The following PIK3CB variants were observed in gnomAD, a reference collection of about 807,000 sequenced individuals.
PIK3CB encodes phosphatidylinositol-4,5-bisphosphate 3-kinase catalytic subunit beta.
In PIK3CB, 39 loss-of-function variants were observed where a neutral mutation model predicts 136.8. The observed-to-expected ratio is 0.29, with a 90% CI of 0.22 to 0.37. PIK3CB has a LOEUF of 0.37. Among genes scored for constraint, PIK3CB ranks in the 10% least tolerant of loss-of-function variants. PIK3CB has a pLI of 1.00. For synonymous variants in PIK3CB, 428 were observed against 436.6 expected (o/e 0.98, Z 0.25); for missense variants, 868 against 1,275.4 (o/e 0.68, Z 4.87).
At chr3:138,753,699 G>A (rs1347497455) in intron 4 of PIK3CB, among the ~76,000 whole-genome samples, 2 of 151,354 alleles carry the variant, frequency 1.3e-5, no homozygotes, top group East Asian at 2.0e-4. Flanking sequence ...TCAACTACTC[G>A]GGAGGCTGAG....
intron 1 of PIK3CB, among the ~76,000 whole-genome samples, chr3:138,828,964 T>G (rs1334992750): frequency 6.6e-6 from 1 of 150,658 alleles, no homozygotes. Context: ...ATTTTTTTTT[T>G]TTTTTTTTTG....
intron 13 of PIK3CB, among the ~76,000 whole-genome samples, chr3:138,698,036 A>G (rs1035622385): frequency 6.6e-6 from 1 of 152,312 alleles, no homozygotes; most frequent in Middle Eastern, 3.4e-3. Flanking sequence ...CCTGGCTCCA[A>G]AGATCTTTAG....
intron 10 of PIK3CB, among the ~76,000 whole-genome samples, chr3:138,710,346 T>C (rs1188706459): frequency 6.6e-6 from 1 of 152,192 alleles, no homozygotes; most frequent in African/African-American, 2.4e-5. Context: ...TTTATAGATA[T>C]GTCAGTAAAT....
At chr3:138,827,705 C>G (rs192867585) in intron 1 of PIK3CB, among the ~76,000 whole-genome samples, 2,013 of 151,176 alleles carry the variant, frequency 0.013, 18 homozygotes, top group Non-Finnish European at 0.021. Context: ...AAAGGCCGGG[C>G]CCGGGGGCTC....
chr3:138,789,599 A>T (rs1044035930), intron 2 of PIK3CB, among the ~76,000 whole-genome samples: 2 of 152,358 alleles, frequency 1.3e-5, no homozygotes, highest in South Asian at 4.1e-4. Flanking sequence ...TGGTCACAAC[A>T]GCCAGAAGGT....
At chr3:138,833,703 A>G (rs913272591) in intron 1 of PIK3CB, among the ~76,000 whole-genome samples, 4 of 152,188 alleles carry the variant, frequency 2.6e-5, no homozygotes, top group African/African-American at 7.2e-5. Flanking sequence ...AGCAATGCAG[A>G]AAAAAGAGTC....
intron 4 of PIK3CB, among the ~76,000 whole-genome samples, chr3:138,747,058 A>T (rs1212409236): frequency 4.7e-4 from 1 of 2,132 alleles, no homozygotes. Context: ...CAGCCTTTAT[A>T]TATATATATA....
At chr3:138,710,057 C>T (rs557525258) in intron 10 of PIK3CB, among the ~76,000 whole-genome samples, 138 of 147,704 alleles carry the variant, frequency 9.3e-4, no homozygotes, top group Non-Finnish European at 1.3e-3. Flanking sequence ...GGTGTGGTGG[C>T]GTATGCCTAT....
At chr3:138,719,661 T>C (rs971134731) in intron 8 of PIK3CB, among the ~76,000 whole-genome samples, 1 of 152,176 alleles carries the variant, frequency 6.6e-6, no homozygotes, top group Admixed American at 6.5e-5. Flanking sequence ...TAGTTGCCTG[T>C]AAGAACCATA....
intron 21 of PIK3CB, among the ~76,000 whole-genome samples, chr3:138,660,743 A>C (rs1318229378): frequency 6.6e-6 from 1 of 152,264 alleles, no homozygotes; most frequent in Non-Finnish European, 1.5e-5. Flanking sequence ...GGTAACACAC[A>C]GGTCAGCTCA....
chr3:138,826,627 T>A (rs1933796923), intron 1 of PIK3CB, among the ~76,000 whole-genome samples: 1 of 148,336 alleles, frequency 6.7e-6, no homozygotes. Flanking sequence ...CAAAACAAAG[T>A]TTAATGAGAA....
intron 15 of PIK3CB, 39 bp downstream of exon 15, chr3:138,690,961 A>C (rs1469063793): frequency 2.0e-6 from 3 of 1,530,722 alleles, no homozygotes; most frequent in Non-Finnish European, 2.7e-6. Flanking sequence ...TAGTTACTAA[A>C]GCACCTGGTG....
At chr3:138,716,544 T>C (rs2044609425) in intron 8 of PIK3CB, among the ~76,000 whole-genome samples, 1 of 152,132 alleles carries the variant, frequency 6.6e-6, no homozygotes, top group South Asian at 2.1e-4. Flanking sequence ...GATGTAACCT[T>C]AAATGAAAAA....
At chr3:138,794,024 G>A (rs1215668190) in intron 2 of PIK3CB, among the ~76,000 whole-genome samples, 2 of 152,126 alleles carry the variant, frequency 1.3e-5, no homozygotes, top group African/African-American at 4.8e-5. Context: ...ATGCAATGCC[G>A]CGATCTCAGC....
chr3:138,759,117 T>A (rs1009336377), intron 3 of PIK3CB, 56 bp downstream of exon 3: 4 of 1,054,382 alleles, frequency 3.8e-6, no homozygotes, highest in Non-Finnish European at 5.5e-6. Context: ...TAGAATGATA[T>A]TTCCCCCAAG....
intron 1 of PIK3CB, among the ~76,000 whole-genome samples, chr3:138,800,787 G>A (rs2046165547): frequency 6.6e-6 from 1 of 151,926 alleles, no homozygotes; most frequent in Admixed American, 6.6e-5. Flanking sequence ...ACCACGCCCA[G>A]CTAATTTTTA....
At chr3:138,756,027 G>C (rs773992299) in intron 3 of PIK3CB, 48 bp from the exon 4 acceptor site, 2 of 1,046,108 alleles carry the variant, frequency 1.9e-6, no homozygotes, top group South Asian at 2.6e-5. Flanking sequence ...ACTTGCTCAA[G>C]TGTACAAAGA....
intron 23 of PIK3CB, among the ~76,000 whole-genome samples, chr3:138,655,759 C>T (rs1032188219): frequency 2.6e-5 from 4 of 152,138 alleles, no homozygotes; most frequent in Non-Finnish European, 4.4e-5. Context: ...CTGCAGGATG[C>T]ACAGCTGCTT....
intron 1 of PIK3CB, among the ~76,000 whole-genome samples, chr3:138,828,954 A>ATTTTTTT (rs34176247): frequency 7.6e-6 from 1 of 130,846 alleles, no homozygotes; most frequent in Non-Finnish European, 1.6e-5. Context: ...CACCAGGCTA[A>ATTTTTTT]TTTTTTTTTT....
Sources: allele counts gnomAD v4.1 joint callset (sites outside exome capture counted in the v4.1 genomes callset), GRCh38; gene constraint gnomAD v4.1.1; transcripts MANE v1.5; gene names NCBI Gene and HGNC (gene_info 2026-07-23, HGNC 2026-07-21).